SDK1: variants seen among roughly 807,000 people sequenced by gnomAD.
The protein encoded by SDK1 is protein sidekick-1.
In SDK1, 157 loss-of-function variants were observed where a neutral mutation model predicts 245.5. The ratio of observed to expected loss-of-function variants is 0.64; its 90% CI spans 0.56 to 0.73. The LOEUF (loss-of-function observed/expected upper bound fraction) is 0.73, where lower values mean the gene tolerates loss of function less well. Among genes scored for constraint, SDK1 ranks in the 30% least tolerant of loss-of-function variants. The probability of loss-of-function intolerance (pLI) is 0.00; values close to 1 mark genes in which losing one functional copy is unlikely to be tolerated. For synonymous variants in SDK1, 1,647 were observed against 1,278.5 expected (o/e 1.29, Z -6.15); for missense variants, 3,583 against 3,002.3 (o/e 1.19, Z -4.52).
At chr7:3,946,338 T>C (rs1048937670) in intron 5 of SDK1, among the ~76,000 whole-genome samples, 2 of 152,018 alleles carry the variant, frequency 1.3e-5, no homozygotes, top group African/African-American at 4.8e-5. Context: ...CCACTAAACC[T>C]GGCTAATAAA....
intron 13 of SDK1, among the ~76,000 whole-genome samples, chr7:3,984,592 A>G (rs1443336550): frequency 6.6e-6 from 1 of 152,086 alleles, no homozygotes; most frequent in Non-Finnish European, 1.5e-5. Context: ...GCATATGGTC[A>G]CCTGGCCCGA....
chr7:3,569,849 C>T (rs186094998), intron 1 of SDK1, among the ~76,000 whole-genome samples: 1 of 152,308 alleles, frequency 6.6e-6, no homozygotes, highest in Admixed American at 6.5e-5. Flanking sequence ...TCCTTTGTGA[C>T]ACGCAGTTGG....
chr7:3,948,267 T>C (rs1780657552), intron 5 of SDK1, among the ~76,000 whole-genome samples: 1 of 143,428 alleles, frequency 7.0e-6, no homozygotes. Context: ...TTTTTTTTTT[T>C]TTTTTTTTGA....
chr7:3,952,848 A>C (rs1443049414), intron 7 of SDK1, among the ~76,000 whole-genome samples: 1 of 152,200 alleles, frequency 6.6e-6, no homozygotes, highest in Non-Finnish European at 1.5e-5. Flanking sequence ...TACAGTGGCT[A>C]AGAAAATACA....
At chr7:3,432,150 A>G (rs1779869391) in intron 1 of SDK1, among the ~76,000 whole-genome samples, 1 of 148,420 alleles carries the variant, frequency 6.7e-6, no homozygotes, top group African/African-American at 2.4e-5. Context: ...TTATATTTAA[A>G]AAATATATAT....
At chr7:3,519,920 A>C (rs1362310895) in intron 1 of SDK1, among the ~76,000 whole-genome samples, 1 of 152,214 alleles carries the variant, frequency 6.6e-6, no homozygotes, top group Non-Finnish European at 1.5e-5. Context: ...AAGCCATGCA[A>C]GAGAATATTA....
At chr7:4,040,823 CAAAG>C (rs1316947220) in intron 17 of SDK1, among the ~76,000 whole-genome samples, 2 of 152,290 alleles carry the variant, frequency 1.3e-5, no homozygotes, top group East Asian at 1.9e-4. Context: ...CACGTGGTGA[CAAAG>C]AAAACGGAAG....
intron 4 of SDK1, among the ~76,000 whole-genome samples, chr7:3,664,126 TCA>T (rs1783452000): frequency 6.6e-6 from 1 of 152,154 alleles, no homozygotes; most frequent in Non-Finnish European, 1.5e-5. Context: ...TGAGCATTTC[TCA>T]GTTTGCCACT....
chr7:3,671,504 T>C (rs1783699366), intron 4 of SDK1, among the ~76,000 whole-genome samples: 1 of 152,258 alleles, frequency 6.6e-6, no homozygotes, highest in Non-Finnish European at 1.5e-5. Flanking sequence ...TTGTAAGCTC[T>C]GATGTTATCC....
At chr7:3,949,636 A>G (rs1277718436) in intron 5 of SDK1, among the ~76,000 whole-genome samples, 2 of 152,182 alleles carry the variant, frequency 1.3e-5, no homozygotes, top group African/African-American at 4.8e-5. Flanking sequence ...CTGTTCTAGA[A>G]ATGTTGGATT....
At chr7:3,616,114 G>C (rs773650274) in intron 1 of SDK1, among the ~76,000 whole-genome samples, 1 of 152,060 alleles carries the variant, frequency 6.6e-6, no homozygotes, top group East Asian at 1.9e-4. Flanking sequence ...TCTTGCACTC[G>C]AGCTCAAGCA....
At chr7:3,448,137 C>T (rs1437494559) in intron 1 of SDK1, among the ~76,000 whole-genome samples, 3 of 152,276 alleles carry the variant, frequency 2.0e-5, no homozygotes, top group East Asian at 1.9e-4. Flanking sequence ...TAAATGTTTA[C>T]TGCAGTCTTG....
Position 3,417,543 on chromosome 7 carries a change from G to C in SDK1, c.298+115659G>C, listed in dbSNP as rs372916076. Among the ~76,000 whole-genome samples, 200 of 152,260 alleles carry C rather than the reference G, an allele frequency of 1.3e-3. 3 individuals are homozygous for C. Among genetic ancestry groups the C allele is most frequent in the African/African-American group, 4.5e-3 (188 of 41,568 alleles). ...GTACCTTCTCTGACCCCGTAGGCTA[G>C]GTTGATTGCTTCAGTGTACTAAGGC... is the stretch of plus-strand genomic sequence containing the variant. On this transcript the variant is annotated intron_variant, in intron 1 of 44. Coordinates refer to ENST00000404826, the MANE Select transcript of SDK1 (RefSeq NM_152744.4).
intron 44 of SDK1, among the ~76,000 whole-genome samples, chr7:4,248,571 A>G (rs530195075): frequency 3.9e-5 from 6 of 152,086 alleles, no homozygotes; most frequent in African/African-American, 1.4e-4. Flanking sequence ...TATACACCTG[A>G]ATACATGCAC....
chr7:3,504,178 A>ATGTGTGTG (rs1159786202), intron 1 of SDK1, among the ~76,000 whole-genome samples: 5 of 52,392 alleles, frequency 9.5e-5, no homozygotes, highest in African/African-American at 3.4e-4. Flanking sequence ...TTATATATAT[A>ATGTGTGTG]TATATGTGTG....
chr7:4,072,662 T>G (rs894080742), intron 20 of SDK1, among the ~76,000 whole-genome samples: 1 of 152,194 alleles, frequency 6.6e-6, no homozygotes, highest in Non-Finnish European at 1.5e-5. Context: ...TTTCTGGAAG[T>G]GTTGGTGCGG....
intron 1 of SDK1, among the ~76,000 whole-genome samples, chr7:3,434,709 C>G (rs956529285): frequency 6.6e-6 from 1 of 152,124 alleles, no homozygotes; most frequent in Non-Finnish European, 1.5e-5. Flanking sequence ...CGATTTGCCT[C>G]CCTGTGAGGT....
At chr7:3,673,164 G>A (rs928605315) in intron 4 of SDK1, among the ~76,000 whole-genome samples, 9 of 152,054 alleles carry the variant, frequency 5.9e-5, no homozygotes, top group African/African-American at 2.2e-4. Flanking sequence ...GAGTTCCAAA[G>A]GGAATTGATT....
At chr7:3,702,560 A>G (rs1784769752) in intron 4 of SDK1, among the ~76,000 whole-genome samples, 1 of 152,130 alleles carries the variant, frequency 6.6e-6, no homozygotes, top group African/African-American at 2.4e-5. Flanking sequence ...TGCTTCATTC[A>G]TACCTGCTTC....
Sources: gnomAD v4.1 joint callset for allele counts (sites outside exome capture counted in the v4.1 genomes callset) on GRCh38, gnomAD v4.1.1 for gene constraint, MANE v1.5 for transcripts, NCBI Gene and HGNC (gene_info 2026-07-23, HGNC 2026-07-21) for gene names.